Variants in TENM2 observed in about 807,000 individuals in gnomAD.
TENM2 encodes the protein teneurin transmembrane protein 2.
TENM2 carries 52 observed loss-of-function variants against 245.2 expected under a neutral mutation model. The ratio of observed to expected loss-of-function variants is 0.21; its 90% CI spans 0.17 to 0.27. The LOEUF (loss-of-function observed/expected upper bound fraction) is 0.27. TENM2 is among the 10% of genes least tolerant of loss of function. The pLI is 1.00. For missense variants in TENM2, 3,046 were observed against 3,666.8 expected, an observed-to-expected ratio of 0.83 and a Z score of 4.37; for synonymous variants, 1,363 against 1,438.9, an observed-to-expected ratio of 0.95 and a Z score of 1.19.
At chr5:167,823,526 G>A (rs939138779) in intron 2 of TENM2, among the ~76,000 whole-genome samples, 1 of 152,144 alleles carries the variant, frequency 6.6e-6, no homozygotes, top group East Asian at 1.9e-4. Flanking sequence ...AAACACAATG[G>A]AGATTTATGC....
chr5:167,556,697 A>T (rs1003973948), intron 2 of TENM2, among the ~76,000 whole-genome samples: 1 of 152,108 alleles, frequency 6.6e-6, no homozygotes, highest in South Asian at 2.1e-4. Flanking sequence ...ACCACCCTTG[A>T]TAAGTAGAAT....
At chr5:167,884,212 T>A (rs1018572778) in intron 3 of TENM2, among the ~76,000 whole-genome samples, 5 of 152,240 alleles carry the variant, frequency 3.3e-5, no homozygotes, top group African/African-American at 4.8e-5. Flanking sequence ...TGAGAGTACT[T>A]GTTTCCTAAT....
intron 7 of TENM2, among the ~76,000 whole-genome samples, chr5:168,085,010 C>T (rs1792323031): frequency 6.6e-6 from 1 of 152,152 alleles, no homozygotes; most frequent in Non-Finnish European, 1.5e-5. Flanking sequence ...GGATGTGTCC[C>T]CCAAAATTGT....
At chr5:167,327,326 C>G (rs141146406) in intron 1 of TENM2, among the ~76,000 whole-genome samples, 1 of 152,236 alleles carries the variant, frequency 6.6e-6, no homozygotes, top group African/African-American at 2.4e-5. Flanking sequence ...TTTTATTCTA[C>G]AAATATGTTT....
At chr5:167,853,288 TCAAAAAA>T in intron 2 of TENM2, among the ~76,000 whole-genome samples, 1 of 4,574 alleles carries the variant, frequency 2.2e-4, no homozygotes, top group African/African-American at 1.1e-3. Context: ...AGACTCCGTC[TCAAAAAA>T]AAAAAAAAAA....
chr5:167,849,475 GC>G (rs1770370912), intron 2 of TENM2, among the ~76,000 whole-genome samples: 1 of 152,068 alleles, frequency 6.6e-6, no homozygotes, highest in South Asian at 2.1e-4. Context: ...AAGGGTTTCT[GC>G]CCACCAGCAA....
intron 2 of TENM2, among the ~76,000 whole-genome samples, chr5:167,865,539 G>A (rs1216499267): frequency 6.6e-6 from 1 of 152,158 alleles, no homozygotes. Context: ...CTCCCAAAGT[G>A]CTGGGATTAC....
At chr5:168,173,221 T>C (rs1240348807) in intron 13 of TENM2, among the ~76,000 whole-genome samples, 1 of 151,634 alleles carries the variant, frequency 6.6e-6, no homozygotes, top group African/African-American at 2.4e-5. Context: ...AACTATAGAG[T>C]CCCCGGCAGC....
chr5:167,646,941 G>C (rs1400940138), intron 2 of TENM2, among the ~76,000 whole-genome samples: 3 of 152,142 alleles, frequency 2.0e-5, no homozygotes, highest in Admixed American at 6.5e-5. Flanking sequence ...AGGAGAGAAC[G>C]CAGCAATTGA....
chr5:167,117,217 A>G, the TENM2 span, among the ~76,000 whole-genome samples: 3 of 152,228 alleles, frequency 2.0e-5, no homozygotes, highest in East Asian at 5.8e-4. Flanking sequence ...TAAGAAGCCT[A>G]AACAGGCTGG....
intron 3 of TENM2, among the ~76,000 whole-genome samples, chr5:167,877,297 T>A (rs1207236036): frequency 6.6e-6 from 1 of 152,196 alleles, no homozygotes; most frequent in Non-Finnish European, 1.5e-5. Flanking sequence ...ACATTTAAGA[T>A]GACTCATTCT....
chr5:167,387,294 T>G (rs1457252106), intron 2 of TENM2, among the ~76,000 whole-genome samples: 1 of 152,018 alleles, frequency 6.6e-6, no homozygotes, highest in African/African-American at 2.4e-5. Flanking sequence ...TAAAAGGGGT[T>G]GAATTCTTGA....
At chr5:167,128,499 C>T in the TENM2 span, among the ~76,000 whole-genome samples, 3 of 151,620 alleles carry the variant, frequency 2.0e-5, no homozygotes, top group Non-Finnish European at 4.4e-5. Context: ...GATATGGATG[C>T]TGCTGGCCCA....
At chr5:168,094,771 A>G (rs1450159648) in intron 8 of TENM2, among the ~76,000 whole-genome samples, 2 of 151,988 alleles carry the variant, frequency 1.3e-5, no homozygotes, top group East Asian at 1.9e-4. Flanking sequence ...TCTGTGGCCC[A>G]TTAGGAACTG....
At chr5:167,178,365 C>A in the TENM2 span, among the ~76,000 whole-genome samples, 1 of 152,170 alleles carries the variant, frequency 6.6e-6, no homozygotes, top group Non-Finnish European at 1.5e-5. Context: ...ATTAAAGCAT[C>A]CAGATTTTCT....
At chr5:167,787,122 C>T (rs1342573201) in intron 2 of TENM2, among the ~76,000 whole-genome samples, 3 of 152,178 alleles carry the variant, frequency 2.0e-5, no homozygotes, top group African/African-American at 7.2e-5. Context: ...AGGTTCTAAA[C>T]TGTGTTCCAA....
chr5:167,196,340 G>C, the TENM2 span, among the ~76,000 whole-genome samples: 2 of 151,430 alleles, frequency 1.3e-5, no homozygotes, highest in Non-Finnish European at 2.9e-5. Context: ...GTCATTATAG[G>C]GCACATAATT....
At chr5:167,633,187 T>C (rs1301990602) in intron 2 of TENM2, among the ~76,000 whole-genome samples, 15 of 152,130 alleles carry the variant, frequency 9.9e-5, no homozygotes, top group Admixed American at 9.8e-4. Flanking sequence ...TGGTAGTAAA[T>C]ACAGCCACAG....
chr5:167,867,322 G>A (rs781405863), intron 2 of TENM2, among the ~76,000 whole-genome samples: 1 of 152,220 alleles, frequency 6.6e-6, no homozygotes, highest in Non-Finnish European at 1.5e-5. Flanking sequence ...GAAGTGCAAT[G>A]CTGCCAGGGA....
Sources: gnomAD v4.1 joint callset for allele counts (sites outside exome capture counted in the v4.1 genomes callset) on GRCh38, gnomAD v4.1.1 for gene constraint, MANE v1.5 for transcripts, NCBI Gene and HGNC (gene_info 2026-07-23, HGNC 2026-07-21) for gene names.